The following HAGH variants were observed in gnomAD, a reference collection of about 807,000 sequenced individuals.
HAGH encodes the protein hydroxyacylglutathione hydrolase, also known as hydroxyacylglutathione hydrolase, mitochondrial.
Under a neutral mutation model 35.1 loss-of-function variants are expected in HAGH, and 29 were observed. The ratio of observed to expected loss-of-function variants is 0.83; its 90% confidence interval spans 0.62 to 1.13. HAGH has a LOEUF of 1.13. Ranked by LOEUF, HAGH falls within the 50% of genes most tolerant of loss-of-function variation. The pLI, the probability that HAGH is intolerant of heterozygous loss-of-function variation, is 0.00. For synonymous variants in HAGH, 225 were observed against 176.1 expected (o/e 1.28, Z -2.20); for missense variants, 478 against 419.6 (o/e 1.14, Z -1.22).
At chr16:1,822,279 C>T (rs1208905559) in intron 3 of HAGH, 21 bp downstream of exon 3, 3 of 1,561,248 alleles carry the variant, frequency 1.9e-6, no homozygotes, top group South Asian at 2.2e-5. Context: ...CCCACACCCC[C>T]AGGTGAGACG....
intron 7 of HAGH, among the ~76,000 whole-genome samples, chr16:1,816,550 C>G (rs779874229): frequency 6.6e-6 from 1 of 151,938 alleles, no homozygotes; most frequent in Non-Finnish European, 1.5e-5. Context: ...GTGGGGCCAC[C>G]GTGGAGATAA....
At chr16:1,823,777 A>G (rs975134323) in intron 1 of HAGH, among the ~76,000 whole-genome samples, 5 of 147,420 alleles carry the variant, frequency 3.4e-5, no homozygotes, top group African/African-American at 7.5e-5. Flanking sequence ...AAAAAAAGGA[A>G]TATCTTCATA....
At chr16:1,825,271 T>A (rs935734012) in intron 1 of HAGH, among the ~76,000 whole-genome samples, 1 of 152,090 alleles carries the variant, frequency 6.6e-6, no homozygotes, top group Admixed American at 6.6e-5. Context: ...TGAGCCGAGA[T>A]TGGCCACTGC....
intron 7 of HAGH, among the ~76,000 whole-genome samples, chr16:1,814,543 C>T (rs889702014): frequency 1.2e-4 from 18 of 151,122 alleles, no homozygotes; most frequent in African/African-American, 3.6e-4. Context: ...AACTATTTTC[C>T]AAAAGACAAT....
intron 5 of HAGH, among the ~76,000 whole-genome samples, chr16:1,817,589 G>A (rs1897963342): frequency 1.3e-5 from 2 of 152,174 alleles, no homozygotes; most frequent in Non-Finnish European, 2.9e-5. Flanking sequence ...ACACGCAGCA[G>A]CCCCTCTCAG....
upstream of HAGH, chr16:1,826,979 G>A (rs1898470192): frequency 8.2e-6 from 5 of 612,906 alleles, no homozygotes; most frequent in Admixed American, 1.8e-4. Context: ...CGGGCCGGGA[G>A]ACGGGCCTGG....
chr16:1,810,137 G>A (rs772824608), intron 7 of HAGH: 31 of 326,600 alleles, frequency 9.5e-5, no homozygotes, highest in African/African-American at 5.6e-4. Context: ...CCTCCAGCCT[G>A]GGTGACAGCG....
Position 1,807,969 on chromosome 16 carries a change from G to A in HAGH, c.*1314C>T, listed in dbSNP as rs1182582833. 6.6e-6 allele frequency: 1 copy of A among 152,300 alleles called. No individual in the cohort carries two copies. Among genetic ancestry groups the A allele is most frequent in the East Asian group, 1.9e-4 (1 of 5,198 alleles). 9.4% of individuals were successfully genotyped at this position (152,300 alleles called of 1,614,324 possible). On this transcript the variant is annotated 3_prime_UTR_variant, in exon 9 of 9. Coordinates refer to ENST00000397356, the MANE Select transcript of HAGH (RefSeq NM_005326.6). ...TCTGTCTATAGGACCAGGTGGCAGA[G>A]GGTGTGGGCCCCACACAGAGTCACC...
chr16:1,817,351 ACACT>A, intron 5 of HAGH, 80 bp from the exon 6 acceptor site: 2 of 909,172 alleles, frequency 2.2e-6, no homozygotes, highest in South Asian at 2.7e-5. Context: ...GAGCAGGGTG[ACACT>A]CACCGGCAAG....
intron 7 of HAGH, among the ~76,000 whole-genome samples, chr16:1,816,004 G>T (rs1252538026): frequency 7.6e-6 from 1 of 131,370 alleles, no homozygotes; most frequent in Admixed American, 9.1e-5. Flanking sequence ...GCAGTGGAGC[G>T]ATCTTGGCTC....
intron 3 of HAGH, among the ~76,000 whole-genome samples, chr16:1,820,312 G>A (rs538134576): frequency 6.6e-6 from 1 of 151,938 alleles, no homozygotes; most frequent in African/African-American, 2.4e-5. Flanking sequence ...TGGCCTGGGG[G>A]TGGATTTCTT....
chr16:1,814,715 C>G (rs7191714), intron 7 of HAGH, among the ~76,000 whole-genome samples: 13,945 of 151,512 alleles, frequency 0.092, 776 homozygotes, highest in African/African-American at 0.16. Flanking sequence ...CTGGATAACA[C>G]GGTGAAACCC....
chr16:1,819,702 C>A lies in HAGH; in HGVS notation c.432+195G>T, dbSNP rs1023676645. 5.2e-5 allele frequency: 32 copies of A among 619,662 alleles called. No homozygotes were observed. The Admixed American group carries it at 8.5e-4, about 16-fold the overall frequency. The allele number at this position is 619,662 out of a possible 1,614,324, so 38.4% of individuals were successfully genotyped here. A position where few individuals can be genotyped will look rare whatever the true frequency, so the allele number is the denominator to read the frequency against. On this transcript the variant is annotated intron_variant, in intron 4 of 8. Transcript: ENST00000397356. ...GGGTCTCAGAGCCCTGCTTCACAGC[C>A]CCGCACACAGCCGCGTTTTGCACAC... is the stretch of plus-strand genomic sequence containing the variant.
intron 5 of HAGH, 139 bp downstream of exon 5, chr16:1,818,976 G>A: frequency 1.6e-6 from 1 of 618,050 alleles, no homozygotes; most frequent in South Asian, 1.9e-5. Context: ...CCCACCATGA[G>A]GCTCCCCAGC....
chr16:1,817,727 G>C (rs950835967), intron 5 of HAGH, among the ~76,000 whole-genome samples: 1 of 151,590 alleles, frequency 6.6e-6, no homozygotes, highest in Non-Finnish European at 1.5e-5. Flanking sequence ...GGCCCACACC[G>C]CTGGGCACCT....
intron 7 of HAGH, among the ~76,000 whole-genome samples, chr16:1,815,183 G>GGA (rs902772713): frequency 1.3e-5 from 2 of 152,108 alleles, no homozygotes; most frequent in Non-Finnish European, 1.5e-5. Context: ...GGCAAAAATT[G>GGA]GAGAGACCGA....
At chr16:1,817,401 G>A (rs960255660) in intron 5 of HAGH, 130 bp from the exon 6 acceptor site, 20 of 678,484 alleles carry the variant, frequency 2.9e-5, no homozygotes, top group East Asian at 1.6e-4. Context: ...CTCCGGCCAC[G>A]GCTGCCCAGA....
At chr16:1,827,176 G>GA, upstream of HAGH, 2 of 1,548,546 alleles carry the variant, frequency 1.3e-6, no homozygotes, top group Non-Finnish European at 1.8e-6. Flanking sequence ...TCCTCTCCGG[G>GA]ATGCCGTAGG....
intron 1 of HAGH, 148 bp downstream of exon 1, chr16:1,826,564 G>A: frequency 8.2e-6 from 8 of 976,260 alleles, no homozygotes; most frequent in Non-Finnish European, 8.5e-6. Flanking sequence ...CAGCGCCTGC[G>A]CCGCCTCCGC....
Sources: allele counts gnomAD v4.1 joint callset (sites outside exome capture counted in the v4.1 genomes callset), GRCh38; gene constraint gnomAD v4.1.1; transcripts MANE v1.5; gene names NCBI Gene and HGNC (gene_info 2026-07-23, HGNC 2026-07-21).